The following TPM2 variants were observed in gnomAD, a reference collection of about 807,000 sequenced individuals.
TPM2 encodes the protein tropomyosin 2, also known as tropomyosin beta chain.
In TPM2, 26 loss-of-function variants were observed where a neutral mutation model predicts 41.0. The ratio of observed to expected loss-of-function variants is 0.63; its 90% CI spans 0.46 to 0.88. The LOEUF is 0.88. Ranked by LOEUF, TPM2 falls within the 40% of genes least tolerant of loss-of-function variation. TPM2 has a pLI of 0.00. For synonymous variants in TPM2, 143 were observed against 139.3 expected (o/e 1.03, Z -0.19); for missense variants, 187 against 355.2 (o/e 0.53, Z 3.81).
In TPM2 at chr9:35,683,243, TG is replaced by T. The variant is rs35401252; in HGVS notation, c.773-3del. The T allele has an allele frequency of 9.6e-5, 143 of 1,493,662 alleles. No individual in the cohort carries two copies. The highest frequency in any genetic ancestry group is 6.9e-4 in the South Asian group (57 of 83,070). 92.5% of individuals were successfully genotyped at this position (1,493,662 alleles called of 1,614,324 possible). A position where few individuals can be genotyped will look rare whatever the true frequency, so the allele number is the denominator to read the frequency against. Reference sequence around the variant, plus strand: ...TCATCTTCTGGGCATAGACTTCATCTGGGGGGGGTCCAGGGAGGGGACCAGG... The same window carrying T: ...TCATCTTCTGGGCATAGACTTCATCTGGGGGGGTCCAGGGAGGGGACCAGG... On this transcript the variant is annotated splice_polypyrimidine_tract_variant and splice_region_variant and intron_variant, in intron 8 of 8. Transcript: ENST00000645482.
At chr9:35,689,970 G>C, upstream of TPM2, 3 of 1,517,012 alleles carry the variant, frequency 2.0e-6, no homozygotes, top group Non-Finnish European at 2.6e-6. Context: ...GGGAGGGACC[G>C]GGCGGGGCCG....
At position 35,684,303 on chromosome 9, in the gene TPM2, C is replaced by A; in HGVS notation, c.715G>T (p.Ala239Ser). The change falls in exon 8 of 9, where the codon GCA (alanine) becomes TCA (serine). Residue 239 changes from alanine (A) to serine (S), a missense_variant. Transcript: ENST00000645482. ...EEKLKEAETR[A>S]EFAERSVAKL... ...GCCACAGACCTCTCGGCAAACTCTG[C>A]TCGGGTCTCAGCCTGGGGGTAAAGG... The A allele has an allele frequency of 6.2e-7, 1 of 1,614,180 alleles. No homozygotes were observed. Among genetic ancestry groups the A allele is most frequent in the Non-Finnish European group, 8.5e-7 (1 of 1,180,028 alleles).
chr9:35,688,054 C>A (rs1451307888), intron 2 of TPM2, among the ~76,000 whole-genome samples: 2 of 152,170 alleles, frequency 1.3e-5, no homozygotes, highest in Admixed American at 1.3e-4. Flanking sequence ...GTCCCTGTCC[C>A]CCCTGCCCCT....
At chr9:35,684,104 A>G (rs1317210660) in intron 8 of TPM2, 142 bp downstream of exon 8, 1 of 788,280 alleles carries the variant, frequency 1.3e-6, no homozygotes, top group Non-Finnish European at 2.2e-6. Flanking sequence ...AATTGTAGAC[A>G]TGGCCCACAG....
rs541848989 is a variant in TPM2, at chr9:35,689,125, G to A, written c.240+21C>T. On this transcript the variant is annotated intron_variant, in intron 2 of 8. Transcript: ENST00000645482. ...TCCCAGAGCCCTAACTCCTCCCATT[G>A]TCCCCCAAGTCCACACTCACATCAG... The A allele has an allele frequency of 1.3e-4, 202 of 1,613,974 alleles. 1 individual carries two copies. In the South Asian group the frequency reaches 2.1e-3, roughly 16 times the overall value.
rs2145925 is a variant in TPM2, at chr9:35,689,376, T to C, written c.115-105A>G. ...TACTAAGATTTGGAGGCTACTGGGA[T>C]GGAAGCGGAATAACATAAAAGGGAC... On this transcript the variant is annotated intron_variant, in intron 1 of 8. Coordinates refer to ENST00000645482, the MANE Select transcript of TPM2 (RefSeq NM_003289.4). 0.44 allele frequency: 685,527 copies of C among 1,545,900 alleles called. 153,369 individuals are homozygous for C. The highest frequency in any genetic ancestry group is 0.63 in the East Asian group (27,414 of 43,808).
chr9:35,684,705 C>A (rs1378734605), intron 6 of TPM2, 27 bp downstream of exon 6: 2 of 1,614,174 alleles, frequency 1.2e-6, no homozygotes, highest in African/African-American at 2.7e-5. Context: ...GGGACCCCAT[C>A]CTCACTGCCC....
At chr9:35,686,918 C>T (rs987464998) in intron 2 of TPM2, among the ~76,000 whole-genome samples, 1 of 152,170 alleles carries the variant, frequency 6.6e-6, no homozygotes, top group Non-Finnish European at 1.5e-5. Context: ...CAGAGCAAGG[C>T]GAGCGCCAGT....
rs1265058208 is a variant in TPM2, at chr9:35,682,945, T to G, written c.*214A>C. The G allele has an allele frequency of 3.3e-6, 5 of 1,507,138 alleles. No homozygotes were observed. In the Admixed American group the frequency reaches 1.0e-4, roughly 31 times the overall value. The allele number at this position is 1,507,138 out of a possible 1,614,324, so 93.4% of individuals were successfully genotyped here. ...ACAGCATGGAGACCAAGTTCAGAAT[T>G]TATTAAGCAGCAAAGGAGGGTGGAA... On this transcript the variant is annotated 3_prime_UTR_variant, in exon 9 of 9. Coordinates refer to ENST00000645482, the MANE Select transcript of TPM2 (RefSeq NM_003289.4).
chr9:35,689,565 A>G, intron 1 of TPM2, 139 bp downstream of exon 1: 1 of 1,487,200 alleles, frequency 6.7e-7, no homozygotes, highest in Non-Finnish European at 9.1e-7. Context: ...GAAGGCCCTG[A>G]GGGTACTGCG....
In TPM2 at chr9:35,685,588, C is replaced by A. The variant is rs145455780; in HGVS notation, c.375-37G>T. ...GGAGAGGGTGAGCGTAGGGTCAGGA[C>A]CAGCAGAGACAGGCTCCCTTCTCCC... On this transcript the variant is annotated intron_variant, in intron 3 of 8. Transcript: ENST00000645482. This position sits in a 1 kb window ranked among gnomAD's most constrained non-coding sequence, Gnocchi z 5.0. 7.1e-5 allele frequency: 115 copies of A among 1,614,006 alleles called. No homozygotes were observed. Among genetic ancestry groups the A allele is most frequent in the Non-Finnish European group, 9.2e-5 (109 of 1,180,014 alleles).
intron 2 of TPM2, among the ~76,000 whole-genome samples, chr9:35,688,165 A>G (rs1264595790): frequency 6.6e-6 from 1 of 152,100 alleles, no homozygotes; most frequent in South Asian, 2.1e-4. Context: ...CTGTGCTAGC[A>G]GCTGCAGGTC....
rs772747520 is a variant in TPM2, at chr9:35,684,499, TCTC to T, written c.688_690del (p.Glu230del). 2 of 1,614,162 alleles carry T rather than the reference TCTC, an allele frequency of 1.2e-6. No homozygotes were observed. Among genetic ancestry groups the T allele is most frequent in the South Asian group, 1.1e-5 (1 of 91,082 alleles). On this transcript the variant is annotated inframe_deletion, in exon 7 of 9. Coordinates refer to ENST00000645482, the MANE Select transcript of TPM2 (RefSeq NM_003289.4). The stretch of plus-strand genomic sequence containing the variant: ...AAGAGGACTCTCACCTCCTTCAGCT[TCTC>T]CTCCAACAGTTTGATCTCCTCTTCA...
chr9:35,684,447 G>A (rs1366842327), intron 7 of TPM2, 41 bp downstream of exon 7: 3 of 1,613,702 alleles, frequency 1.9e-6, no homozygotes, highest in Non-Finnish European at 2.5e-6. Flanking sequence ...AAGGATTAGG[G>A]TGGCTTGAGG....
At chr9:35,684,584 G>C in intron 6 of TPM2, 34 bp from the exon 7 acceptor site, 2 of 1,613,660 alleles carry the variant, frequency 1.2e-6, no homozygotes, top group Non-Finnish European at 1.7e-6. Flanking sequence ...TCAGTACAGC[G>C]CTACCACAGA....
At chr9:35,682,135 G>A (rs766182491), downstream of TPM2, 33 of 1,614,046 alleles carry the variant, frequency 2.0e-5, no homozygotes, top group East Asian at 4.5e-5. Flanking sequence ...GAATCTCGAC[G>A]TTCTCCTCCT....
chr9:35,682,315 G>T, downstream of TPM2: 2 of 983,296 alleles, frequency 2.0e-6, no homozygotes, highest in Non-Finnish European at 3.1e-6. Context: ...GGGACAAACA[G>T]ATGGACTGAC....
chr9:35,689,054 G>A (rs1226803296), intron 2 of TPM2, 92 bp downstream of exon 2: 1 of 1,465,696 alleles, frequency 6.8e-7, no homozygotes, highest in African/African-American at 1.4e-5. Context: ...GGACATAAGG[G>A]GATAAGGTGC....
chr9:35,688,999 C>T, intron 2 of TPM2, 147 bp downstream of exon 2: 2 of 955,816 alleles, frequency 2.1e-6, no homozygotes, highest in Admixed American at 3.7e-5. Context: ...TAAGTTTACC[C>T]TAGCCCTGGT....
Sources: gnomAD v4.1 joint callset for allele counts (sites outside exome capture counted in the v4.1 genomes callset) on GRCh38, gnomAD v4.1.1 for gene constraint, Gnocchi (gnomAD v3.1) non-coding constraint, MANE v1.5 for transcripts, NCBI Gene and HGNC (gene_info 2026-07-23, HGNC 2026-07-21) for gene names.